GABRR2: variants seen among roughly 807,000 people sequenced by gnomAD.
GABRR2 encodes gamma-aminobutyric acid type A receptor subunit rho2.
In GABRR2, 36 loss-of-function variants were observed where a neutral mutation model predicts 47.0. The observed-to-expected ratio is 0.77, with a 90% CI of 0.59 to 1.01. The LOEUF is 1.01. GABRR2 is among the 50% of genes least tolerant of loss of function. The pLI, the probability that GABRR2 is intolerant of heterozygous loss-of-function variation, is 0.00. For missense variants in GABRR2, 587 were observed against 594.6 expected, an observed-to-expected ratio of 0.99 and a Z score of 0.13; for synonymous variants, 204 against 227.5, an observed-to-expected ratio of 0.90 and a Z score of 0.93.
intron 1 of GABRR2, among the ~76,000 whole-genome samples, chr6:89,310,887 A>T (rs1168976727): frequency 6.6e-6 from 1 of 152,312 alleles, no homozygotes; most frequent in East Asian, 1.9e-4. Flanking sequence ...TGTTAGGCAG[A>T]TGGAAGAGGA....
At position 89,311,269 on chromosome 6, in the gene GABRR2, A is replaced by G. The variant is rs572289707; in HGVS notation, c.113+3784T>C. 2.9e-3 allele frequency among the ~76,000 whole-genome samples: 444 copies of G among 152,318 alleles called. 1 individual carries two copies. Among genetic ancestry groups the G allele is most frequent in the South Asian group, 4.8e-3 (23 of 4,832 alleles). On this transcript the variant is annotated intron_variant, in intron 1 of 8. Transcript: ENST00000402938. ...CTCACTGCCCCTCTGACTCACAGGG[A>G]GTAAATCCCTCCTGGTCAGCACAGT...
At chr6:89,272,643 G>A (rs369412255) in intron 2 of GABRR2, among the ~76,000 whole-genome samples, 21 of 152,326 alleles carry the variant, frequency 1.4e-4, no homozygotes, top group African/African-American at 3.6e-4. Context: ...GGGCCTCAGC[G>A]GGAGAGGGCA....
In GABRR2 at chr6:89,255,473, G is replaced by A. The variant is rs754487001; in HGVS notation, c.*2197C>T. Among the ~76,000 whole-genome samples the A allele has an allele frequency of 6.6e-6, 1 of 152,182 alleles. No homozygotes were observed. The highest frequency in any genetic ancestry group is 1.5e-5 in the Non-Finnish European group (1 of 67,990). ...AAAAGGTTTCTAAACAAGTCCAGATGCCCTGTACCACCCAATTACCCATAT... is the reference window on the plus strand; with the variant it reads ...AAAAGGTTTCTAAACAAGTCCAGATACCCTGTACCACCCAATTACCCATAT... On this transcript the variant is annotated 3_prime_UTR_variant, in exon 9 of 9. Transcript: ENST00000402938.
At chr6:89,299,570 G>A (rs1279139636) in intron 2 of GABRR2, among the ~76,000 whole-genome samples, 189 bp downstream of exon 2, 2 of 152,118 alleles carry the variant, frequency 1.3e-5, no homozygotes, top group African/African-American at 4.8e-5. Context: ...TTTAGTCAAC[G>A]GCCCTCTCCA....
chr6:89,268,923 C>T (rs1247649347), intron 4 of GABRR2, 88 bp downstream of exon 4: 17 of 1,195,106 alleles, frequency 1.4e-5, no homozygotes, highest in Non-Finnish European at 2.0e-5. Flanking sequence ...ACAGACCCAA[C>T]CGCAGTGACA....
chr6:89,310,562 T>A (rs1767663219), intron 1 of GABRR2, among the ~76,000 whole-genome samples: 1 of 152,156 alleles, frequency 6.6e-6, no homozygotes, highest in African/African-American at 2.4e-5. Context: ...ATCAACATGC[T>A]GATGTTCTTA....
chr6:89,262,548 T>G (rs1773773423), intron 8 of GABRR2, among the ~76,000 whole-genome samples: 1 of 152,186 alleles, frequency 6.6e-6, no homozygotes, highest in Non-Finnish European at 1.5e-5. Context: ...TTTTTCAAAT[T>G]TATAAATTTC....
At chr6:89,261,780 G>A (rs1304994387) in intron 8 of GABRR2, among the ~76,000 whole-genome samples, 4 of 152,150 alleles carry the variant, frequency 2.6e-5, no homozygotes, top group Admixed American at 2.6e-4. Context: ...GTTCATGCCT[G>A]TAATCCCAGC....
intron 2 of GABRR2, among the ~76,000 whole-genome samples, chr6:89,272,285 T>C (rs1037739654): frequency 6.6e-6 from 1 of 152,170 alleles, no homozygotes; most frequent in Non-Finnish European, 1.5e-5. Context: ...CAAAGGACAA[T>C]GAAACCTTGT....
intron 1 of GABRR2, 65 bp from the exon 2 acceptor site, chr6:89,299,930 G>T: frequency 9.5e-7 from 1 of 1,056,688 alleles, no homozygotes; most frequent in Non-Finnish European, 1.5e-6. Flanking sequence ...GATGATTTGG[G>T]CTATTACTCC....
chr6:89,276,650 T>C (rs968050017), intron 2 of GABRR2, among the ~76,000 whole-genome samples: 14 of 152,010 alleles, frequency 9.2e-5, no homozygotes, highest in African/African-American at 3.1e-4. Flanking sequence ...TTTTAGCCAG[T>C]GCAATAGGAA....
At chr6:89,268,916 G>C (rs74555654) in intron 4 of GABRR2, 95 bp downstream of exon 4, 112 of 1,114,506 alleles carry the variant, frequency 1.0e-4, no homozygotes, top group Non-Finnish European at 1.4e-4. Flanking sequence ...CGAACCCACA[G>C]ACCCAACCGC....
chr6:89,259,257 G>A (rs972045844), intron 8 of GABRR2, among the ~76,000 whole-genome samples: 7 of 152,108 alleles, frequency 4.6e-5, no homozygotes, highest in African/African-American at 1.7e-4. Context: ...ATCTAGGAAA[G>A]TGAAATAATG....
In GABRR2 at chr6:89,290,592, G is replaced by A. The variant is rs145219937; in HGVS notation, c.220+9167C>T. Among the ~76,000 whole-genome samples, 328 of 152,350 alleles carry A rather than the reference G, an allele frequency of 2.2e-3. 10 individuals carry two copies. Among genetic ancestry groups the A allele is most frequent in the Admixed American group, 0.019 (293 of 15,308 alleles). On this transcript the variant is annotated intron_variant, in intron 2 of 8. Transcript: ENST00000402938. Reference sequence around the variant, plus strand: ...AATCTCCCCTGAGCCTCACAGACTCGACACTCTGAGCCGGGTGTGGGGCCC... The same window carrying A: ...AATCTCCCCTGAGCCTCACAGACTCAACACTCTGAGCCGGGTGTGGGGCCC...
At chr6:89,272,199 T>C (rs1292071910) in intron 2 of GABRR2, among the ~76,000 whole-genome samples, 2 of 152,208 alleles carry the variant, frequency 1.3e-5, no homozygotes, top group Non-Finnish European at 2.9e-5. Context: ...CCCTGACATA[T>C]AGCTGGGGTC....
At chr6:89,266,314 T>C (rs1010428776) in intron 6 of GABRR2, among the ~76,000 whole-genome samples, 31 of 152,234 alleles carry the variant, frequency 2.0e-4, no homozygotes, top group Admixed American at 1.3e-4. Context: ...ATTTGTAATT[T>C]GCAAATTACA....
intron 8 of GABRR2, 22 bp from the exon 9 acceptor site, chr6:89,258,003 A>G: frequency 1.2e-6 from 2 of 1,604,920 alleles, no homozygotes; most frequent in Non-Finnish European, 1.7e-6. Flanking sequence ...AAGCACAAAG[A>G]ACATCATTAA....
chr6:89,310,347 C>T (rs73503994), intron 1 of GABRR2, among the ~76,000 whole-genome samples: 6,539 of 152,112 alleles, frequency 0.043, 208 homozygotes, highest in African/African-American at 0.089. Context: ...ACAGGAAGGT[C>T]CCTGCTTCTG....
At chr6:89,296,818 G>C (rs1774562765) in intron 2 of GABRR2, among the ~76,000 whole-genome samples, 1 of 152,224 alleles carries the variant, frequency 6.6e-6, no homozygotes, top group South Asian at 2.1e-4. Flanking sequence ...GATTTCATCT[G>C]CCGTTCCAAG....
Sources: allele counts gnomAD v4.1 joint callset (sites outside exome capture counted in the v4.1 genomes callset), GRCh38; gene constraint gnomAD v4.1.1; transcripts MANE v1.5; gene names NCBI Gene and HGNC (gene_info 2026-07-23, HGNC 2026-07-21).